Variants in MYLK observed in about 807,000 individuals in gnomAD.
The protein encoded by MYLK is myosin light chain kinase, smooth muscle.
Under a neutral mutation model 203.4 loss-of-function variants are expected in MYLK, and 106 were observed. The ratio of observed to expected loss-of-function variants is 0.52; its 90% CI spans 0.45 to 0.61. The LOEUF (loss-of-function observed/expected upper bound fraction) is 0.61. MYLK is among the 20% of genes least tolerant of loss of function. The probability of loss-of-function intolerance (pLI) is 0.00; values close to 1 mark genes in which losing one functional copy is unlikely to be tolerated. For synonymous variants in MYLK, 867 were observed against 959.5 expected, an observed-to-expected ratio of 0.90 and a Z score of 1.78; for missense variants, 2,072 against 2,442.3, an observed-to-expected ratio of 0.85 and a Z score of 3.20.
chr3:123,711,042 G>A (rs1400304704), intron 13 of MYLK, among the ~76,000 whole-genome samples: 2 of 151,972 alleles, frequency 1.3e-5, no homozygotes, highest in East Asian at 3.9e-4. Flanking sequence ...AGTAAGCCAT[G>A]ATCACACCAC....
At position 123,722,030 on chromosome 3, in the gene MYLK, T is replaced by C. The variant is rs185157666; in HGVS notation, c.1804+98A>G. 3,262 of 1,485,098 alleles carry C rather than the reference T, an allele frequency of 2.2e-3. 5 individuals are homozygous for C. Among genetic ancestry groups the C allele is most frequent in the Non-Finnish European group, 2.6e-3 (2,790 of 1,087,970 alleles). 92.0% of individuals were successfully genotyped at this position (1,485,098 alleles called of 1,614,324 possible). On this transcript the variant is annotated intron_variant, in intron 13 of 33. Coordinates refer to ENST00000360304, the MANE Select transcript of MYLK (RefSeq NM_053025.4). ...CCATGTGCACCTCTGCTCCCTGGAT[T>C]TGAGCTCATGATACCATTTTCTACA...
intron 11 of MYLK, among the ~76,000 whole-genome samples, chr3:123,726,423 T>A (rs973148874): frequency 6.6e-6 from 1 of 152,230 alleles, no homozygotes; most frequent in Admixed American, 6.5e-5. Flanking sequence ...AGCTCCTTCC[T>A]GCTTGTTGGT....
At chr3:123,710,917 G>T (rs1354509642) in intron 13 of MYLK, among the ~76,000 whole-genome samples, 2 of 152,108 alleles carry the variant, frequency 1.3e-5, no homozygotes, top group Non-Finnish European at 2.9e-5. Context: ...TGAGGGTACC[G>T]CAACAGGGAT....
Position 123,645,074 on chromosome 3 carries a change from A to G in MYLK, c.4619+2150T>C, listed in dbSNP as rs188893455. On this transcript the variant is annotated intron_variant, in intron 27 of 33. Coordinates refer to ENST00000360304, the MANE Select transcript of MYLK (RefSeq NM_053025.4). ...ATGCTCAAAAAGTATTTTTAAGTGG[A>G]AAAAAACCAGGATACAAAAAAAGTC... Among the ~76,000 whole-genome samples the G allele has an allele frequency of 1.4e-3, 217 of 152,308 alleles. 1 individual carries two copies. The highest frequency in any genetic ancestry group is 5.1e-3 in the African/African-American group (212 of 41,556).
At chr3:123,784,762 G>A (rs569982225) in intron 4 of MYLK, among the ~76,000 whole-genome samples, 1 of 152,348 alleles carries the variant, frequency 6.6e-6, no homozygotes, top group East Asian at 1.9e-4. Flanking sequence ...TGAAGAACTA[G>A]TTTCCAAATG....
intron 13 of MYLK, among the ~76,000 whole-genome samples, chr3:123,712,012 G>A (rs1442875902): frequency 2.0e-5 from 3 of 152,218 alleles, no homozygotes; most frequent in Admixed American, 2.0e-4. Flanking sequence ...CAGGAGGCTG[G>A]AGGAAAACTT....
At chr3:123,747,008 C>A (rs2108852967) in intron 5 of MYLK, among the ~76,000 whole-genome samples, 1 of 152,264 alleles carries the variant, frequency 6.6e-6, no homozygotes, top group Non-Finnish European at 1.5e-5. Context: ...CCAGGAGGAA[C>A]ACAGTAATTT....
rs1235562647 is a variant in MYLK at position 123,733,877 on chromosome 3, C to G, written c.1119G>C (p.Arg373Ser). 6.2e-7 allele frequency: 1 copy of G among 1,613,998 alleles called. No individual in the cohort carries two copies. Among genetic ancestry groups the G allele is most frequent in the African/African-American group, 1.3e-5 (1 of 74,932 alleles). Reference protein sequence around the residue: ...VLSPSGEERKRPAPPRPATFP... With the variant: ...VLSPSGEERKSPAPPRPATFP... Reference sequence around the variant, plus strand: ...AGGTGGCTGGACGGGGAGGAGCTGGCCTCTTCCTCTCTTCTCCAGAAGGTG... The same window carrying G: ...AGGTGGCTGGACGGGGAGGAGCTGGGCTCTTCCTCTCTTCTCCAGAAGGTG... Residue 373 changes from arginine to serine, a missense_variant, in exon 10 of 34, where the codon AGG becomes AGC. By Grantham distance (110) the Arg-to-Ser change is moderately radical (BLOSUM62 -1). Coordinates refer to ENST00000360304, the MANE Select transcript of MYLK (RefSeq NM_053025.4).
intron 4 of MYLK, among the ~76,000 whole-genome samples, chr3:123,780,292 G>A (rs1026425642): frequency 1.3e-5 from 2 of 152,044 alleles, no homozygotes; most frequent in Non-Finnish European, 2.9e-5. Context: ...AAATTAGCCC[G>A]GCATGGTGGC....
chr3:123,643,698 A>G (rs2058913524), intron 27 of MYLK, among the ~76,000 whole-genome samples: 1 of 152,208 alleles, frequency 6.6e-6, no homozygotes, highest in Non-Finnish European at 1.5e-5. Context: ...TGAATGACTA[A>G]ATAAATAAGT....
intron 4 of MYLK, among the ~76,000 whole-genome samples, chr3:123,759,513 C>A (rs1381288913): frequency 6.6e-6 from 1 of 152,208 alleles, no homozygotes; most frequent in Admixed American, 6.5e-5. Context: ...TTGCTAGGCT[C>A]TCCTGCCTGC....
At chr3:123,766,704 G>C (rs2063716498) in intron 4 of MYLK, among the ~76,000 whole-genome samples, 1 of 152,250 alleles carries the variant, frequency 6.6e-6, no homozygotes, top group Non-Finnish European at 1.5e-5. Context: ...AACAGCTCTT[G>C]CTGAACCAGA....
Position 123,860,128 on chromosome 3 carries a change from G to A in MYLK, c.-127+16431C>T, listed in dbSNP as rs118125562. On this transcript the variant is annotated intron_variant, in intron 2 of 33. Coordinates refer to ENST00000360304, the MANE Select transcript of MYLK (RefSeq NM_053025.4). ...TATTTTGAAGGACATCAGTGACTGG[G>A]ATGATGCCTTCTGTTATGCTGGTTA... Among the ~76,000 whole-genome samples the A allele has an allele frequency of 3.0e-4, 46 of 152,330 alleles. No individual in the cohort carries two copies. The East Asian group carries it at 6.4e-3, about 21-fold the overall frequency.
intron 13 of MYLK, among the ~76,000 whole-genome samples, chr3:123,716,716 G>A (rs556569954): frequency 6.6e-6 from 1 of 152,296 alleles, no homozygotes; most frequent in South Asian, 2.1e-4. Context: ...TTGCCACTAG[G>A]AGCTCAATCC....
intron 1 of MYLK, among the ~76,000 whole-genome samples, chr3:123,881,994 G>A (rs988607244): frequency 6.6e-6 from 1 of 152,206 alleles, no homozygotes; most frequent in African/African-American, 2.4e-5. Context: ...TTTTCAGGCA[G>A]CAGGTGGGGC....
intron 20 of MYLK, among the ~76,000 whole-genome samples, chr3:123,679,978 C>T (rs1194835494): frequency 6.6e-6 from 1 of 152,178 alleles, no homozygotes; most frequent in Non-Finnish European, 1.5e-5. Context: ...AGCTTGACTG[C>T]ACATGACGTG....
chr3:123,836,450 C>T (rs2066477122), intron 2 of MYLK, among the ~76,000 whole-genome samples: 1 of 152,132 alleles, frequency 6.6e-6, no homozygotes, highest in East Asian at 1.9e-4. Flanking sequence ...TCTTCTACAC[C>T]TTGCTTTATT....
chr3:123,779,404 C>T (rs1378878538), intron 4 of MYLK, among the ~76,000 whole-genome samples: 1 of 152,230 alleles, frequency 6.6e-6, no homozygotes, highest in East Asian at 1.9e-4. Context: ...GCCTTCCTGG[C>T]TCCAACTCTT....
intron 15 of MYLK, among the ~76,000 whole-genome samples, chr3:123,708,453 T>C (rs969651626): frequency 6.6e-6 from 1 of 152,214 alleles, no homozygotes; most frequent in Non-Finnish European, 1.5e-5. Context: ...TAGTACTCTA[T>C]GCACCTTGGC....
Sources: allele counts gnomAD v4.1 joint callset (sites outside exome capture counted in the v4.1 genomes callset), GRCh38; gene constraint gnomAD v4.1.1; transcripts MANE v1.5; gene names NCBI Gene and HGNC (gene_info 2026-07-23, HGNC 2026-07-21).